Variants in TSPAN9 observed in about 807,000 individuals in gnomAD.
TSPAN9 encodes tetraspanin 9.
A neutral mutation model predicts 31.0 loss-of-function variants in TSPAN9; 16 were observed. That is an observed-to-expected ratio of 0.52 (90% CI 0.35 to 0.78). TSPAN9 has a LOEUF of 0.78. Ranked by LOEUF, TSPAN9 falls within the 30% of genes least tolerant of loss-of-function variation. The pLI, the probability that TSPAN9 is intolerant of heterozygous loss-of-function variation, is 0.01. For missense variants in TSPAN9, 272 were observed against 312.5 expected (o/e 0.87, Z 0.98); for synonymous variants, 145 against 121.6 (o/e 1.19, Z -1.27).
chr12:3,180,535 G>A (rs899326018), intron 2 of TSPAN9, among the ~76,000 whole-genome samples: 29 of 151,842 alleles, frequency 1.9e-4, no homozygotes, highest in African/African-American at 7.0e-4. Flanking sequence ...CCCAATAATG[G>A]GTCACAGCCT....
intron 3 of TSPAN9, among the ~76,000 whole-genome samples, chr12:3,264,340 C>T (rs116954999): frequency 0.03 from 4,643 of 152,332 alleles, 83 homozygotes; most frequent in Middle Eastern, 0.048. Flanking sequence ...CAGCCCGCCT[C>T]AACCCACCTC....
At chr12:3,199,726 CCCGTGCGTGCGCGCCGAGGGGGCGGGG>C (rs1317542014) in intron 2 of TSPAN9, among the ~76,000 whole-genome samples, 1 of 152,138 alleles carries the variant, frequency 6.6e-6, no homozygotes, top group Admixed American at 6.5e-5. Flanking sequence ...TGTGTGCGCG[CCCGTGCGTGCGCGCCGAGGGGGCGGGG>C]AGGGCGGCGC....
chr12:3,141,165 T>C (rs1415217845), intron 2 of TSPAN9, among the ~76,000 whole-genome samples: 1 of 152,062 alleles, frequency 6.6e-6, no homozygotes, highest in African/African-American at 2.4e-5. Context: ...ACAGTCTCTG[T>C]CGGCTCTCAA....
intron 3 of TSPAN9, among the ~76,000 whole-genome samples, chr12:3,216,678 A>G (rs1337296893): frequency 1.3e-5 from 2 of 152,238 alleles, no homozygotes; most frequent in Non-Finnish European, 1.5e-5. Context: ...CCCGTTTGTC[A>G]CAGGTGTGGT....
At chr12:3,179,793 A>C (rs1431404636) in intron 2 of TSPAN9, among the ~76,000 whole-genome samples, 1 of 152,196 alleles carries the variant, frequency 6.6e-6, no homozygotes, top group South Asian at 2.1e-4. Flanking sequence ...AGCATGTTAA[A>C]TCCAGATTCT....
At chr12:3,269,533 C>T (rs1479074460) in intron 3 of TSPAN9, among the ~76,000 whole-genome samples, 70 of 105,852 alleles carry the variant, frequency 6.6e-4, no homozygotes, top group East Asian at 8.9e-4. Context: ...GCCCTCCGTG[C>T]GTTCCTGCAG....
At position 3,258,727 on chromosome 12, in the gene TSPAN9, ATCT is replaced by A. The variant is rs766195156; in HGVS notation, c.64-19690_64-19688del. Reference sequence around the variant, plus strand: ...CTGCCCTCAAGTGCCGGCTCCCAAGATCTTCTCCCAAGCCATGAGAATGGTGGG... The same window carrying A: ...CTGCCCTCAAGTGCCGGCTCCCAAGATCTCCCAAGCCATGAGAATGGTGGG... On this transcript the variant is annotated intron_variant, in intron 3 of 8. Coordinates refer to ENST00000011898, the MANE Select transcript of TSPAN9 (RefSeq NM_006675.5). 9.2e-5 allele frequency among the ~76,000 whole-genome samples: 14 copies of A among 152,216 alleles called. No individual in the cohort carries two copies. The East Asian group carries it at 2.1e-3, about 23-fold the overall frequency.
At chr12:3,149,187 T>G (rs934212753) in intron 2 of TSPAN9, among the ~76,000 whole-genome samples, 1 of 152,226 alleles carries the variant, frequency 6.6e-6, no homozygotes, top group African/African-American at 2.4e-5. Context: ...AATGAAGGGC[T>G]CCTCACCTGC....
intron 2 of TSPAN9, among the ~76,000 whole-genome samples, chr12:3,098,064 C>T: frequency 6.6e-6 from 1 of 152,200 alleles, no homozygotes; most frequent in East Asian, 1.9e-4. Context: ...GTGCAGAGTG[C>T]AGAGTGCAGC....
chr12:3,169,961 C>T (rs2153970166), intron 2 of TSPAN9, among the ~76,000 whole-genome samples: 1 of 137,764 alleles, frequency 7.3e-6, no homozygotes, highest in South Asian at 2.2e-4. Flanking sequence ...TTTTGCTAGG[C>T]AGCATGGGGA....
intron 2 of TSPAN9, among the ~76,000 whole-genome samples, chr12:3,118,241 G>A (rs1281800480): frequency 3.7e-4 from 38 of 102,584 alleles, no homozygotes; most frequent in African/African-American, 1.3e-3. Context: ...ATTCCGCACC[G>A]CCCCTGCACC....
intron 3 of TSPAN9, among the ~76,000 whole-genome samples, chr12:3,208,290 G>A (rs1032137252): frequency 6.6e-6 from 1 of 152,170 alleles, no homozygotes; most frequent in Non-Finnish European, 1.5e-5. Context: ...GGCCTTCGGG[G>A]TATATGGGAG....
intron 3 of TSPAN9, among the ~76,000 whole-genome samples, chr12:3,256,981 G>A (rs1439747696): frequency 6.6e-6 from 1 of 152,060 alleles, no homozygotes. Context: ...GAATATCGAG[G>A]GTGAGTTGGG....
intron 2 of TSPAN9, among the ~76,000 whole-genome samples, chr12:3,164,092 GAC>G (rs942462445): frequency 2.0e-5 from 3 of 152,132 alleles, no homozygotes; most frequent in African/African-American, 7.2e-5. Flanking sequence ...ACTGAGGCTG[GAC>G]CGTTCATTAG....
At chr12:3,088,825 A>G (rs902772846) in intron 2 of TSPAN9, among the ~76,000 whole-genome samples, 3 of 150,956 alleles carry the variant, frequency 2.0e-5, no homozygotes, top group African/African-American at 7.3e-5. Flanking sequence ...CCTGCAGGAG[A>G]GGGTGAGCTG....
At chr12:3,174,590 T>G (rs2098353939) in intron 2 of TSPAN9, among the ~76,000 whole-genome samples, 1 of 152,126 alleles carries the variant, frequency 6.6e-6, no homozygotes, top group South Asian at 2.1e-4. Context: ...TTTTATTTAT[T>G]TTTATTTTTT....
At chr12:3,248,771 C>T (rs918572102) in intron 3 of TSPAN9, among the ~76,000 whole-genome samples, 2 of 152,182 alleles carry the variant, frequency 1.3e-5, no homozygotes, top group Non-Finnish European at 1.5e-5. Flanking sequence ...CGGACCCTCC[C>T]TCACCACGTT....
rs1863011431 is a variant in TSPAN9, at chr12:3,286,131, C to T, written c.*3015C>T. 6.5e-6 allele frequency: 1 copy of T among 152,784 alleles called. No individual in the cohort carries two copies. Among genetic ancestry groups the T allele is most frequent in the Non-Finnish European group, 1.5e-5 (1 of 68,116 alleles). The allele number at this position is 152,784 out of a possible 1,614,324, so 9.5% of individuals were successfully genotyped here. A position where few individuals can be genotyped will look rare whatever the true frequency, so the allele number is the denominator to read the frequency against. ...AGTGGCTGTCCCCTCCTCTCCAGCC[C>T]CTGCCCACCCACTGGTGGAGGTGCT... On this transcript the variant is annotated 3_prime_UTR_variant, in exon 9 of 9. Transcript: ENST00000011898. The surrounding 1 kb of genome is among the most constrained non-coding windows in gnomAD (Gnocchi z 4.1).
At chr12:3,270,538 C>G (rs1862655670) in intron 3 of TSPAN9, among the ~76,000 whole-genome samples, 1 of 152,218 alleles carries the variant, frequency 6.6e-6, no homozygotes, top group Non-Finnish European at 1.5e-5. Context: ...GGAGCAAGCC[C>G]CCAGGCAGGG....
Sources: allele counts gnomAD v4.1 joint callset (sites outside exome capture counted in the v4.1 genomes callset), GRCh38; gene constraint gnomAD v4.1.1; non-coding constraint Gnocchi (gnomAD v3.1); transcripts MANE v1.5; gene names NCBI Gene and HGNC (gene_info 2026-07-23, HGNC 2026-07-21).